Variants in RTL3 observed in about 807,000 individuals in gnomAD.
The protein encoded by RTL3 is retrotransposon Gag like 3.
For missense variants in RTL3, 468 were observed against 341.8 expected, an observed-to-expected ratio of 1.37 and a Z score of -2.91; for synonymous variants, 181 against 132.2, an observed-to-expected ratio of 1.37 and a Z score of -2.53.
At position 78,657,982 on chromosome X, in the gene RTL3, C is replaced by T. The variant is rs1201241402; in HGVS notation, c.439G>A (p.Ala147Thr). The change falls in exon 2 of 2, where the codon GCC (alanine) becomes ACC (threonine). Residue 147 changes from alanine to threonine, a missense_variant. Ala to Thr is a moderately conservative substitution (Grantham distance 58). Transcript: ENST00000321110. ...TTCTTGGGCTCTTGGGCTATTGTGG[C>T]ATCCTGGGTGTTTGCAGGCCCCTGG... ...EGQGPANTQD[A>T]TIAQEPKNSE... 4.2e-6 allele frequency: 5 copies of T among 1,202,230 alleles called. No individual in the cohort carries two copies. Among genetic ancestry groups the T allele is most frequent in the East Asian group, 3.0e-5 (1 of 33,747 alleles).
chrX:78,657,278 G>A lies in RTL3; in HGVS notation c.1143C>T (p.Asn381=), dbSNP rs1166927426. 2 of 1,211,988 alleles carry A rather than the reference G, an allele frequency of 1.7e-6. No homozygotes were observed. Among genetic ancestry groups the A allele is most frequent in the South Asian group, 1.8e-5 (1 of 56,996 alleles). Residue 381 remains asparagine (N), a synonymous_variant, in exon 2 of 2, where the codon AAC becomes AAT. Transcript: ENST00000321110. ...DELSHTSPAT[N]LSDLITQCIS... is the part of the protein sequence containing the mutation. ...TGCACTGAGTGATGAGATCAGATAG[G>A]TTGGTGGCTGGGCTTGTGTGAGACA...
rs1569555331 is a variant in RTL3, at chrX:78,657,282, G to A, written c.1139C>T (p.Thr380Ile). The A allele has an allele frequency of 8.3e-7, 1 of 1,211,924 alleles. No homozygotes were observed. The highest frequency in any genetic ancestry group is 1.1e-6 in the Non-Finnish European group (1 of 895,571). ...QDELSHTSPA[T>I]NLSDLITQCI... ...CTGAGTGATGAGATCAGATAGGTTG[G>A]TGGCTGGGCTTGTGTGAGACAGTTC... The change falls in exon 2 of 2, where the codon ACC (threonine) becomes ATC (isoleucine). Residue 380 changes from threonine to isoleucine, a missense_variant. Transcript: ENST00000321110.
Position 78,657,311 on chromosome X carries a change from T to A in RTL3, c.1110A>T (p.Gln370His), listed in dbSNP as rs771959800. The A allele has an allele frequency of 8.3e-7, 1 of 1,211,941 alleles. No homozygotes were observed. Among genetic ancestry groups the A allele is most frequent in the Admixed American group, 2.2e-5 (1 of 46,099 alleles). Residue 370 changes from glutamine to histidine, a missense_variant, in exon 2 of 2, where the codon CAA becomes CAT. Gln to His is a conservative substitution (Grantham distance 24). Transcript: ENST00000321110. ...QFQEGLASSIQDELSHTSPAT... is the reference protein window; with the variant it reads ...QFQEGLASSIHDELSHTSPAT... ...CTGGGCTTGTGTGAGACAGTTCATC[T>A]TGTATAGAACTGGCAAGACCTTCTT...
At position 78,657,130 on chromosome X, in the gene RTL3, T is replaced by C. The variant is rs756796872; in HGVS notation, c.1291A>G (p.Ile431Val). The C allele has an allele frequency of 2.5e-6, 3 of 1,212,025 alleles. No homozygotes were observed. Among genetic ancestry groups the C allele is most frequent in the East Asian group, 3.0e-5 (1 of 33,824 alleles). The change falls in exon 2 of 2, where the codon ATC becomes GTC. Residue 431 changes from isoleucine to valine, a missense_variant. Ile to Val is a conservative substitution (Grantham distance 29). Coordinates refer to ENST00000321110, the MANE Select transcript of RTL3 (RefSeq NM_152694.3). Reference protein sequence around the residue: ...PMQAAINCPHISEAEWVRWHK... With the variant: ...PMQAAINCPHVSEAEWVRWHK... ...CAACGGACCCATTCAGCTTCACTGA[T>C]GTGTGGGCAGTTGATTGCAGCCTGC...
Position 78,657,843 on chromosome X carries a change from T to A in RTL3, c.578A>T (p.Glu193Val). 8.3e-7 allele frequency: 1 copy of A among 1,210,123 alleles called. No individual in the cohort carries two copies. Residue 193 changes from glutamate to valine, a missense_variant, in exon 2 of 2, where the codon GAG becomes GTG. Glu to Val is a moderately radical substitution (Grantham distance 121). Coordinates refer to ENST00000321110, the MANE Select transcript of RTL3 (RefSeq NM_152694.3). ...LELPPPQEPL[E>V]PSNAQEFLEL... is the part of the protein sequence containing the mutation. ...TAGGAATTCCTGGGCATTTGAAGGCTCCAGAGGCTCCTGGGGAGGTGGAAG... is the reference window on the plus strand; with the variant it reads ...TAGGAATTCCTGGGCATTTGAAGGCACCAGAGGCTCCTGGGGAGGTGGAAG...
chrX:78,658,092 G>A lies in RTL3; in HGVS notation c.329C>T (p.Ala110Val). 1 of 1,151,373 alleles carries A rather than the reference G, an allele frequency of 8.7e-7. No homozygotes were observed. Among genetic ancestry groups the A allele is most frequent in the Middle Eastern group, 2.5e-4 (1 of 4,017 alleles). 94.9% of individuals were successfully genotyped at this position (1,151,373 alleles called of 1,213,427 possible). ...TGGAGGCGCCAGGGACTCTGGGGCT[G>A]CTGGGGCCTCCTGGAGTTCCCAGGC... ...PAAWELQEAP[A>V]APESLAPPAT... The change falls in exon 2 of 2, where the codon GCA (alanine) becomes GTA (valine). Residue 110 changes from alanine (A) to valine (V), a missense_variant. Physicochemically the swap from Ala to Val is moderately conservative, Grantham distance 64. Coordinates refer to ENST00000321110, the MANE Select transcript of RTL3 (RefSeq NM_152694.3).
Position 78,658,440 on chromosome X carries a change from G to A in RTL3, c.-20C>T, listed in dbSNP as rs1205744562. 2 of 1,156,213 alleles carry A rather than the reference G, an allele frequency of 1.7e-6. No homozygotes were observed. Among genetic ancestry groups the A allele is most frequent in the East Asian group, 6.1e-5 (2 of 32,719 alleles). ...CACCATCTTTTGAGGAAATGGGTAT[G>A]ATTTGACAATTTGCTACCAAGAGAG... On this transcript the variant is annotated 5_prime_UTR_variant, in exon 2 of 2. Transcript: ENST00000321110.
In RTL3 at chrX:78,657,315, A is replaced by T. The variant is rs1344439662; in HGVS notation, c.1106T>A (p.Ile369Lys). 1 of 1,210,285 alleles carries T rather than the reference A, an allele frequency of 8.3e-7. No homozygotes were observed. Among genetic ancestry groups the T allele is most frequent in the Non-Finnish European group, 1.1e-6 (1 of 895,321 alleles). ...GCTTGTGTGAGACAGTTCATCTTGTATAGAACTGGCAAGACCTTCTTGAAA... is the reference window on the plus strand; with the variant it reads ...GCTTGTGTGAGACAGTTCATCTTGTTTAGAACTGGCAAGACCTTCTTGAAA... ...IQFQEGLASS[I>K]QDELSHTSPA... The change falls in exon 2 of 2, where the codon ATA becomes AAA. Residue 369 changes from isoleucine to lysine, a missense_variant. Coordinates refer to ENST00000321110, the MANE Select transcript of RTL3 (RefSeq NM_152694.3).
chrX:78,658,188 T>C lies in RTL3; in HGVS notation c.233A>G (p.Lys78Arg). The change falls in exon 2 of 2, where the codon AAG becomes AGG. Residue 78 changes from lysine (K) to arginine (R), a missense_variant. Coordinates refer to ENST00000321110, the MANE Select transcript of RTL3 (RefSeq NM_152694.3). ...MNPPAAWEAQ[K>R]TPEFKEPQKP... ...CTGGGGTTCCTTGAACTCTGGGGTC[T>C]TTTGGGCCTCCCAGGCTGCTGGGGG... 1 of 1,198,301 alleles carries C rather than the reference T, an allele frequency of 8.3e-7. No individual in the cohort carries two copies. Among genetic ancestry groups the C allele is most frequent in the Non-Finnish European group, 1.1e-6 (1 of 890,154 alleles).
chrX:78,657,965 C>A lies in RTL3; in HGVS notation c.456G>T (p.Glu152Asp), dbSNP rs761249503. 6 of 1,204,733 alleles carry A rather than the reference C, an allele frequency of 5.0e-6. No individual in the cohort carries two copies. The highest frequency in any genetic ancestry group is 1.1e-6 in the Non-Finnish European group (1 of 893,762). The change falls in exon 2 of 2, where the codon GAG becomes GAT. Residue 152 changes from glutamate to aspartate, a missense_variant. Glu to Asp is a conservative substitution (Grantham distance 45, BLOSUM62 2). Coordinates refer to ENST00000321110, the MANE Select transcript of RTL3 (RefSeq NM_152694.3). ...GATCCTGGGGTTCTGAATTCTTGGG[C>A]TCTTGGGCTATTGTGGCATCCTGGG... ...ANTQDATIAQ[E>D]PKNSEPQDPP... is the part of the protein sequence containing the mutation.
In RTL3 at chrX:78,657,037, G is replaced by T. The variant is rs746621531; in HGVS notation, c.1384C>A (p.Pro462Thr). ...TTTCCCGCCTGCAGGGCCTGATGAG[G>T]CTTGACAGGGCAATCTCTGGCAAAA... ...GHFARDCPVK[P>T]HQALQAGNIQ... is the part of the protein sequence containing the mutation. The change falls in exon 2 of 2, where the codon CCT (proline) becomes ACT (threonine). Residue 462 changes from proline to threonine, a missense_variant. Pro to Thr is a conservative substitution (Grantham distance 38). Coordinates refer to ENST00000321110, the MANE Select transcript of RTL3 (RefSeq NM_152694.3). The T allele has an allele frequency of 3.3e-6, 4 of 1,211,789 alleles. No homozygotes were observed. The Admixed American group carries it at 8.7e-5, about 26-fold the overall frequency.
chrX:78,657,985 C>A lies in RTL3; in HGVS notation c.436G>T (p.Asp146Tyr). The A allele has an allele frequency of 2.5e-6, 3 of 1,200,689 alleles. No homozygotes were observed. Among genetic ancestry groups the A allele is most frequent in the Non-Finnish European group, 3.4e-6 (3 of 892,226 alleles). Residue 146 changes from aspartate (D) to tyrosine (Y), a missense_variant, in exon 2 of 2, where the codon GAT becomes TAT. Asp to Tyr is a radical substitution (Grantham distance 160). Coordinates refer to ENST00000321110, the MANE Select transcript of RTL3 (RefSeq NM_152694.3). ...LEGQGPANTQ[D>Y]ATIAQEPKNS... ...TTGGGCTCTTGGGCTATTGTGGCAT[C>A]CTGGGTGTTTGCAGGCCCCTGGCCC...
Position 78,658,145 on chromosome X carries a change from C to T in RTL3, c.276G>A (p.Gln92=), listed in dbSNP as rs747741103. 7 of 1,165,445 alleles carry T rather than the reference C, an allele frequency of 6.0e-6. No homozygotes were observed. The South Asian group carries it at 1.4e-4, about 24-fold the overall frequency. ...CTGGGGGTTCCCAGGGTAGAAGATC[C>T]TGTGGCTCTGGTGGCTTCTGGGGTT... The part of the protein sequence containing the change: ...FKEPQKPPEP[Q]DLLPWEPPAA... Residue 92 remains glutamine, a synonymous_variant, in exon 2 of 2, where the codon CAG becomes CAA. Transcript: ENST00000321110.
At position 78,658,662 on chromosome X, in the gene RTL3, G is replaced by C. The variant is rs1267985804; in HGVS notation, c.-228-14C>G. On this transcript the variant is annotated splice_polypyrimidine_tract_variant and intron_variant, in intron 1 of 1. Transcript: ENST00000321110. Reference sequence around the variant, plus strand: ...GTGTCAGATACACTGCGAAGAGAGTGGGAGCTGAGGATCAGAAACTGTGGA... The same window carrying C: ...GTGTCAGATACACTGCGAAGAGAGTCGGAGCTGAGGATCAGAAACTGTGGA... The C allele has an allele frequency of 1.8e-5, 5 of 283,967 alleles. 1 individual carries two copies. The highest frequency in any genetic ancestry group is 3.2e-5 in the Non-Finnish European group (5 of 156,267). The allele number at this position is 283,967 out of a possible 1,213,427, so 23.4% of individuals were successfully genotyped here. A position where few individuals can be genotyped will look rare whatever the true frequency, so the allele number is the denominator to read the frequency against.
In RTL3 at chrX:78,658,490, T is replaced by G. The variant is rs2147456557; in HGVS notation, c.-70A>C. On this transcript the variant is annotated 5_prime_UTR_variant, in exon 2 of 2. Coordinates refer to ENST00000321110, the MANE Select transcript of RTL3 (RefSeq NM_152694.3). The stretch of plus-strand genomic sequence containing the variant: ...GATTGGGTGGGTGTTTGTGAGATCC[T>G]TCCTGAAAGCTGCTTACAGGCAGAT... 1.0e-6 allele frequency: 1 copy of G among 991,107 alleles called. No individual in the cohort carries two copies. Among genetic ancestry groups the G allele is most frequent in the Non-Finnish European group, 1.3e-6 (1 of 743,464 alleles). The allele number at this position is 991,107 out of a possible 1,213,427, so 81.7% of individuals were successfully genotyped here. A position where few individuals can be genotyped will look rare whatever the true frequency, so the allele number is the denominator to read the frequency against.
chrX:78,657,142 T>A lies in RTL3; in HGVS notation c.1279A>T (p.Asn427Tyr), dbSNP rs1923011470. The change falls in exon 2 of 2, where the codon AAC becomes TAC. Residue 427 changes from asparagine (N) to tyrosine (Y), a missense_variant. Asn to Tyr is a moderately radical substitution (Grantham distance 143). Coordinates refer to ENST00000321110, the MANE Select transcript of RTL3 (RefSeq NM_152694.3). Reference sequence around the variant, plus strand: ...TCAGCTTCACTGATGTGTGGGCAGTTGATTGCAGCCTGCATAGGTTGGTTT... The same window carrying A: ...TCAGCTTCACTGATGTGTGGGCAGTAGATTGCAGCCTGCATAGGTTGGTTT... Reference protein sequence around the residue: ...AENQPMQAAINCPHISEAEWV... With the variant: ...AENQPMQAAIYCPHISEAEWV... 1 of 1,212,082 alleles carries A rather than the reference T, an allele frequency of 8.3e-7. No individual in the cohort carries two copies. The highest frequency in any genetic ancestry group is 3.0e-5 in the East Asian group (1 of 33,820).
In RTL3 at chrX:78,657,409, G is replaced by A. The variant is rs1923022577; in HGVS notation, c.1012C>T (p.His338Tyr). ...ATGAGGTGGAAGTGGGTTGCTACAT[G>A]ACCCTCCCCTTGGCAGAGTTGATGG... ...CIHQLCQGEG[H>Y]VATHFHLIAQ... The change falls in exon 2 of 2, where the codon CAT becomes TAT. Residue 338 changes from histidine (H) to tyrosine (Y), a missense_variant. By Grantham distance (83) the His-to-Tyr change is moderately conservative (BLOSUM62 2). Transcript: ENST00000321110. 8.3e-7 allele frequency: 1 copy of A among 1,210,111 alleles called. No individual in the cohort carries two copies. Among genetic ancestry groups the A allele is most frequent in the Non-Finnish European group, 1.1e-6 (1 of 895,258 alleles).
Position 78,656,227 on chromosome X carries a change from A to G in RTL3, c.*766T>C, listed in dbSNP as rs748432665. The G allele has an allele frequency of 8.0e-5, 9 of 111,996 alleles. No homozygotes were observed. The highest frequency in any genetic ancestry group is 1.5e-4 in the Non-Finnish European group (8 of 53,218). The allele number at this position is 111,996 out of a possible 1,213,427, so 9.2% of individuals were successfully genotyped here. A position where few individuals can be genotyped will look rare whatever the true frequency, so the allele number is the denominator to read the frequency against. On this transcript the variant is annotated 3_prime_UTR_variant, in exon 2 of 2. Coordinates refer to ENST00000321110, the MANE Select transcript of RTL3 (RefSeq NM_152694.3). The stretch of plus-strand genomic sequence containing the variant: ...TGCTTTTTCATTATTAGTTTCTAAT[A>G]TCTATTCTCATGTGTATTGTTAGTA...
chrX:78,659,320 T>A lies in RTL3; in HGVS notation c.-288A>T, dbSNP rs1923089335. ...GTGTACCCATTGCTGAGGAGGGAAA[T>A]GTGTAAATGGCTGTGGAGGCTTGCC... On this transcript the variant is annotated 5_prime_UTR_variant, in exon 1 of 2. Transcript: ENST00000321110. 9.0e-6 allele frequency: 1 copy of A among 110,819 alleles called. No individual in the cohort carries two copies. The highest frequency in any genetic ancestry group is 3.3e-5 in the African/African-American group (1 of 30,399). The allele number at this position is 110,819 out of a possible 1,213,427, so 9.1% of individuals were successfully genotyped here. A position where few individuals can be genotyped will look rare whatever the true frequency, so the allele number is the denominator to read the frequency against.
Sources: allele counts gnomAD v4.1 joint callset, GRCh38; gene constraint gnomAD v4.1.1; transcripts MANE v1.5; gene names NCBI Gene and HGNC (gene_info 2026-07-23, HGNC 2026-07-21).